The following CTNNA3 variants were observed in gnomAD, a reference collection of about 807,000 sequenced individuals.
The protein encoded by CTNNA3 is catenin alpha-3.
Under a neutral mutation model 95.7 loss-of-function variants are expected in CTNNA3, and 76 were observed. The observed-to-expected ratio is 0.79, with a 90% confidence interval of 0.66 to 0.96. CTNNA3 has a LOEUF of 0.96. Ranked by LOEUF, CTNNA3 falls within the 40% of genes least tolerant of loss-of-function variation. The pLI is 0.00. For synonymous variants in CTNNA3, 431 were observed against 374.4 expected, an observed-to-expected ratio of 1.15 and a Z score of -1.74; for missense variants, 1,191 against 1,089.8, an observed-to-expected ratio of 1.09 and a Z score of -1.31.
intron 7 of CTNNA3, among the ~76,000 whole-genome samples, chr10:67,100,956 AG>A (rs1251587838): frequency 6.6e-6 from 1 of 151,732 alleles, no homozygotes; most frequent in Non-Finnish European, 1.5e-5. Flanking sequence ...ATAGAATGAA[AG>A]AATATATATC....
chr10:66,629,688 C>T (rs914391204), intron 9 of CTNNA3, among the ~76,000 whole-genome samples: 13 of 152,018 alleles, frequency 8.6e-5, no homozygotes, highest in Admixed American at 7.9e-4. Flanking sequence ...TGCAGTCTGG[C>T]CTGAGAGTCA....
chr10:66,747,196 T>C (rs1236397706), intron 9 of CTNNA3, among the ~76,000 whole-genome samples: 2 of 152,210 alleles, frequency 1.3e-5, no homozygotes, highest in Non-Finnish European at 2.9e-5. Context: ...AAGTATATAT[T>C]GTCTCGGGCC....
intron 9 of CTNNA3, among the ~76,000 whole-genome samples, chr10:66,720,304 C>G (rs1193060972): frequency 6.6e-6 from 1 of 151,636 alleles, no homozygotes; most frequent in Admixed American, 6.6e-5. Flanking sequence ...GCCAATCATC[C>G]ACTCTATTTG....
intron 5 of CTNNA3, among the ~76,000 whole-genome samples, chr10:67,377,916 C>A (rs1843758568): frequency 6.6e-6 from 1 of 152,042 alleles, no homozygotes; most frequent in African/African-American, 2.4e-5. Flanking sequence ...CAGTCTTGCT[C>A]TGTCACCCAG....
chr10:66,087,361 T>C (rs1205611178), intron 14 of CTNNA3, among the ~76,000 whole-genome samples: 2 of 152,100 alleles, frequency 1.3e-5, no homozygotes, highest in Admixed American at 1.3e-4. Context: ...AGCATCTTTG[T>C]TCCTCTTATC....
intron 9 of CTNNA3, among the ~76,000 whole-genome samples, chr10:66,676,108 AAC>A (rs58800149): frequency 1.4e-4 from 21 of 150,342 alleles, no homozygotes; most frequent in East Asian, 2.0e-4. Context: ...AAACCTTTAA[AAC>A]ACACACACAC....
At chr10:66,544,012 C>CCTAT (rs34218027) in intron 10 of CTNNA3, among the ~76,000 whole-genome samples, 108,248 of 145,978 alleles carry the variant, frequency 0.74, 41,063 homozygotes, top group Non-Finnish European at 0.82. Flanking sequence ...AAATGGATGA[C>CCTAT]CTATCTGCCA....
At chr10:66,699,559 G>A (rs959093363) in intron 9 of CTNNA3, among the ~76,000 whole-genome samples, 1 of 151,510 alleles carries the variant, frequency 6.6e-6, no homozygotes, top group South Asian at 2.1e-4. Context: ...CAAGTACTTT[G>A]GTCATTTTTT....
At chr10:67,483,774 A>AAAAAGAATGAGATCCAGTCATC (rs1848336494) in intron 5 of CTNNA3, among the ~76,000 whole-genome samples, 1 of 145,734 alleles carries the variant, frequency 6.9e-6, no homozygotes, top group Non-Finnish European at 1.5e-5. Context: ...AAAAATAAAA[A>AAAAAGAATGAGATCCAGTCATC]TTAAAAAAAA....
intron 13 of CTNNA3, among the ~76,000 whole-genome samples, chr10:66,222,626 G>GAA (rs796632890): frequency 8.6e-4 from 66 of 76,694 alleles, no homozygotes; most frequent in Middle Eastern, 6.6e-3. Flanking sequence ...GAAAGAAAAA[G>GAA]AAAGAAAGAA....
intron 13 of CTNNA3, among the ~76,000 whole-genome samples, chr10:66,265,941 T>C (rs868675809): frequency 1.3e-5 from 2 of 151,890 alleles, no homozygotes; most frequent in African/African-American, 2.4e-5. Context: ...AAGTGTTCGA[T>C]AGATTTATTG....
intron 15 of CTNNA3, among the ~76,000 whole-genome samples, chr10:66,000,983 AT>A (rs2078758981): frequency 6.6e-6 from 1 of 152,184 alleles, no homozygotes; most frequent in Non-Finnish European, 1.5e-5. Flanking sequence ...CACCTTAGCC[AT>A]TGATGGGCAT....
intron 7 of CTNNA3, among the ~76,000 whole-genome samples, chr10:66,813,728 A>G (rs2132270290): frequency 6.6e-6 from 1 of 152,274 alleles, no homozygotes; most frequent in African/African-American, 2.4e-5. Flanking sequence ...GAGAGAGAGT[A>G]AAAGAATTCT....
intron 10 of CTNNA3, among the ~76,000 whole-genome samples, chr10:66,599,292 A>G (rs1564559372): frequency 6.6e-6 from 1 of 152,062 alleles, no homozygotes; most frequent in Non-Finnish European, 1.5e-5. Flanking sequence ...AAAGACTTCA[A>G]TGGAAAGATA....
intron 15 of CTNNA3, among the ~76,000 whole-genome samples, chr10:65,992,838 A>T (rs565899560): frequency 6.6e-6 from 1 of 152,032 alleles, no homozygotes; most frequent in Admixed American, 6.6e-5. Context: ...TAGATTGTTT[A>T]TTTGAAAACT....
At position 66,558,791 on chromosome 10, in the gene CTNNA3, C is replaced by T. The variant is rs1247924877; in HGVS notation, c.1375-38018G>A. Among the ~76,000 whole-genome samples, 8 of 152,070 alleles carry T rather than the reference C, an allele frequency of 5.3e-5. 1 individual carries two copies. Among genetic ancestry groups the T allele is most frequent in the African/African-American group, 1.9e-4 (8 of 41,418 alleles). On this transcript the variant is annotated intron_variant, in intron 10 of 17. Transcript: ENST00000433211. ...CTGTGGGGGAAATGACTGGTTATGA[C>T]TAAAACCTCTTTCAGGGTAGAGAAA...
intron 15 of CTNNA3, among the ~76,000 whole-genome samples, chr10:66,000,557 T>C (rs11593372): frequency 0.12 from 18,634 of 152,218 alleles, 1,229 homozygotes; most frequent in East Asian, 0.2. Context: ...GAAAACATAA[T>C]AGTATTAAAG....
At chr10:66,776,884 T>C (rs1478806629) in intron 7 of CTNNA3, among the ~76,000 whole-genome samples, 1 of 152,196 alleles carries the variant, frequency 6.6e-6, no homozygotes, top group Non-Finnish European at 1.5e-5. Context: ...ATCTCAATTT[T>C]TTTTCTATTC....
At chr10:66,109,866 C>A (rs537193376) in intron 13 of CTNNA3, among the ~76,000 whole-genome samples, 93 of 140,714 alleles carry the variant, frequency 6.6e-4, no homozygotes, top group South Asian at 9.0e-4. Flanking sequence ...ACTTAAAGTA[C>A]AAAAAAAAAA....
Sources: allele counts gnomAD v4.1 joint callset (sites outside exome capture counted in the v4.1 genomes callset), GRCh38; gene constraint gnomAD v4.1.1; transcripts MANE v1.5; gene names NCBI Gene and HGNC (gene_info 2026-07-23, HGNC 2026-07-21).